Variants in URI1 observed in about 807,000 individuals in gnomAD.
URI1 encodes the protein unconventional prefoldin RPB5 interactor 1.
URI1 carries 39 observed loss-of-function variants against 60.2 expected under a neutral mutation model. The ratio of observed to expected loss-of-function variants is 0.65; its 90% CI spans 0.50 to 0.85. The LOEUF is 0.85. Ranked by LOEUF, URI1 falls within the 40% of genes least tolerant of loss-of-function variation. The pLI is 0.00. For synonymous variants in URI1, 251 were observed against 236.8 expected, an observed-to-expected ratio of 1.06 and a Z score of -0.55; for missense variants, 691 against 665.9, an observed-to-expected ratio of 1.04 and a Z score of -0.42.
chr19:29,958,637 CTTTCT>C lies in URI1; in HGVS notation c.118-12542_118-12538del, dbSNP rs763953790. On this transcript the variant is annotated intron_variant, in intron 1 of 10. Transcript: ENST00000392271. ...TTACATGAGGCAAAATTCTGTAATT[CTTTCT>C]TTTCTTTTCTTTTTTCTTTTTTTTT... Among the ~76,000 whole-genome samples, 4 of 152,108 alleles carry C rather than the reference CTTTCT, an allele frequency of 2.6e-5. No individual in the cohort carries two copies. The South Asian group carries it at 6.2e-4, about 24-fold the overall frequency.
chr19:29,956,464 A>C (rs1568415592), intron 1 of URI1: 5 of 1,589,646 alleles, frequency 3.1e-6, no homozygotes, highest in Non-Finnish European at 4.3e-6. Context: ...GATACCATCC[A>C]AAAATTTCCT....
chr19:29,927,137 G>T (rs1231303845), intron 1 of URI1, among the ~76,000 whole-genome samples: 2 of 152,168 alleles, frequency 1.3e-5, no homozygotes, highest in Non-Finnish European at 2.9e-5. Context: ...TTGGGCTGGG[G>T]GAGTGTAGAC....
chr19:29,988,884 A>C (rs931902742), intron 4 of URI1, among the ~76,000 whole-genome samples: 3 of 152,122 alleles, frequency 2.0e-5, no homozygotes, highest in Admixed American at 1.3e-4. Flanking sequence ...TGGCTGTATG[A>C]TTTACATCTC....
chr19:29,984,578 T>C (rs1214350762), intron 2 of URI1, among the ~76,000 whole-genome samples: 1 of 152,226 alleles, frequency 6.6e-6, no homozygotes, highest in Non-Finnish European at 1.5e-5. Flanking sequence ...AATTTGAGTA[T>C]TCTGCTTCTA....
chr19:29,949,199 G>A (rs948728657), intron 1 of URI1, among the ~76,000 whole-genome samples: 3 of 150,268 alleles, frequency 2.0e-5, no homozygotes, highest in East Asian at 2.0e-4. Flanking sequence ...CAGATGGGGC[G>A]GCTGCCGGGC....
Position 29,956,452 on chromosome 19 carries a change from TAGA to T in URI1, c.117+13789_117+13791del, listed in dbSNP as rs2055248985. On this transcript the variant is annotated intron_variant, in intron 1 of 10. Transcript: ENST00000392271. The stretch of plus-strand genomic sequence containing the variant: ...CTGAACAGTTCCTTTTTCAGAGACA[TAGA>T]TACCATCCAAAAATTTCCTGATATC... 8.2e-6 allele frequency: 13 copies of T among 1,587,960 alleles called. No homozygotes were observed. The Admixed American group carries it at 1.8e-4, about 22-fold the overall frequency.
chr19:29,949,953 AG>A (rs1428320124), intron 1 of URI1, among the ~76,000 whole-genome samples: 1 of 150,166 alleles, frequency 6.7e-6, no homozygotes, highest in Non-Finnish European at 1.5e-5. Flanking sequence ...GGGGAGGGAG[AG>A]GTTACTTATT....
rs1479406351 is a variant in URI1, at chr19:29,924,004, T to TGAGCCTGAAG, written c.63+251_63+260dup. On this transcript the variant is annotated intron_variant, in intron 1 of 10. Transcript: ENST00000360605. The stretch of plus-strand genomic sequence containing the variant: ...CGGAAGCTGATGGTATCATTCAGTT[T>TGAGCCTGAAG]GAGCCTGAAGTTCTGAGAACCAGGA... Among the ~76,000 whole-genome samples, 37 of 152,158 alleles carry TGAGCCTGAAG rather than the reference T, an allele frequency of 2.4e-4. 1 individual carries two copies. The highest frequency in any genetic ancestry group is 5.3e-4 in the Non-Finnish European group (36 of 68,028).
chr19:29,935,114 T>A (rs1018132997), intron 1 of URI1, among the ~76,000 whole-genome samples: 2 of 152,224 alleles, frequency 1.3e-5, no homozygotes, highest in Non-Finnish European at 2.9e-5. Context: ...TACTACATTT[T>A]TTTGGTATTT....
chr19:29,949,963 T>C (rs1019562921), intron 1 of URI1, among the ~76,000 whole-genome samples: 3 of 129,054 alleles, frequency 2.3e-5, no homozygotes, highest in East Asian at 3.2e-4. Flanking sequence ...AGGTTACTTA[T>C]TTTTTAAGAA....
At chr19:29,933,796 T>C (rs2054943309) in intron 1 of URI1, among the ~76,000 whole-genome samples, 1 of 149,228 alleles carries the variant, frequency 6.7e-6, no homozygotes, top group Non-Finnish European at 1.5e-5. Flanking sequence ...CACTCCAGCC[T>C]GGGCAACAGA....
At chr19:29,994,714 C>T (rs2055789731) in intron 4 of URI1, among the ~76,000 whole-genome samples, 1 of 151,366 alleles carries the variant, frequency 6.6e-6, no homozygotes, top group Admixed American at 6.6e-5. Context: ...TATTTAGTTC[C>T]CTGCTTTAAA....
chr19:30,005,798 T>C (rs2055935222), intron 6 of URI1, 90 bp downstream of exon 6: 1 of 1,221,286 alleles, frequency 8.2e-7, no homozygotes. Flanking sequence ...ATTTGGGATT[T>C]AGAATACACT....
At chr19:29,939,884 G>A (rs1490908717), upstream of URI1, among the ~76,000 whole-genome samples, 1 of 152,124 alleles carries the variant, frequency 6.6e-6, no homozygotes, top group East Asian at 1.9e-4. Context: ...TGGGGAAGGT[G>A]GGTCCGACAA....
At chr19:29,992,153 T>C (rs1332534983) in intron 4 of URI1, among the ~76,000 whole-genome samples, 1 of 152,212 alleles carries the variant, frequency 6.6e-6, no homozygotes, top group African/African-American at 2.4e-5. Context: ...CACTGCAACC[T>C]CCACCTCCCA....
At chr19:29,964,034 T>C (rs1033069775) in intron 1 of URI1, among the ~76,000 whole-genome samples, 1 of 152,216 alleles carries the variant, frequency 6.6e-6, no homozygotes, top group Non-Finnish European at 1.5e-5. Flanking sequence ...GTGCTCTCAT[T>C]TTACTACCAT....
At chr19:29,973,392 A>G (rs1209578489) in intron 2 of URI1, among the ~76,000 whole-genome samples, 1 of 152,180 alleles carries the variant, frequency 6.6e-6, no homozygotes, top group Non-Finnish European at 1.5e-5. Context: ...ATGTTGCTTT[A>G]ATTCCTACTT....
At chr19:30,003,155 G>A (rs1342192058) in intron 4 of URI1, among the ~76,000 whole-genome samples, 1 of 151,908 alleles carries the variant, frequency 6.6e-6, no homozygotes, top group Admixed American at 6.6e-5. Flanking sequence ...CTGTAGATAC[G>A]AATTTAGACT....
chr19:29,974,476 T>C (rs1160886457), intron 2 of URI1, among the ~76,000 whole-genome samples: 2 of 152,236 alleles, frequency 1.3e-5, no homozygotes, highest in Non-Finnish European at 2.9e-5. Flanking sequence ...GATAGAGTAG[T>C]ATAGTGAATC....
Sources: gnomAD v4.1 joint callset for allele counts (sites outside exome capture counted in the v4.1 genomes callset) on GRCh38, gnomAD v4.1.1 for gene constraint, MANE v1.5 for transcripts, NCBI Gene and HGNC (gene_info 2026-07-23, HGNC 2026-07-21) for gene names.